HLCS: variants seen among roughly 807,000 people sequenced by gnomAD.
HLCS encodes biotin--protein ligase.
A neutral mutation model predicts 75.0 loss-of-function variants in HLCS; 53 were observed. The observed-to-expected ratio is 0.71, with a 90% CI of 0.57 to 0.89. The LOEUF (loss-of-function observed/expected upper bound fraction) is 0.89. Among genes scored for constraint, HLCS ranks in the 40% least tolerant of loss-of-function variants. The probability of loss-of-function intolerance (pLI) is 0.00; values close to 1 mark genes in which losing one functional copy is unlikely to be tolerated. For synonymous variants in HLCS, 431 were observed against 428.6 expected, an observed-to-expected ratio of 1.01 and a Z score of -0.07; for missense variants, 966 against 1,074.0, an observed-to-expected ratio of 0.90 and a Z score of 1.41.
chr21:36,935,463 G>T (rs950676866), intron 4 of HLCS, among the ~76,000 whole-genome samples: 1 of 151,976 alleles, frequency 6.6e-6, no homozygotes, highest in African/African-American at 2.4e-5. Flanking sequence ...CAGGAGAACT[G>T]GAAAAAGACA....
chr21:36,982,626 G>A (rs1289574204), intron 1 of HLCS, among the ~76,000 whole-genome samples: 1 of 152,166 alleles, frequency 6.6e-6, no homozygotes, highest in Non-Finnish European at 1.5e-5. Flanking sequence ...TCTCCTAGAG[G>A]CAATGATCCA....
chr21:36,815,576 T>C (rs2145978399), intron 6 of HLCS, among the ~76,000 whole-genome samples: 1 of 152,312 alleles, frequency 6.6e-6, no homozygotes, highest in South Asian at 2.1e-4. Context: ...ACAAATGCCT[T>C]GTCACATTTG....
intron 6 of HLCS, among the ~76,000 whole-genome samples, chr21:36,847,243 C>CATGT (rs1397991038): frequency 6.6e-6 from 1 of 151,910 alleles, no homozygotes; most frequent in Non-Finnish European, 1.5e-5. Context: ...GAAATAAAGG[C>CATGT]TTGGAGGGCA....
intron 5 of HLCS, among the ~76,000 whole-genome samples, chr21:36,914,784 C>T (rs763382616): frequency 1.3e-5 from 2 of 152,208 alleles, no homozygotes; most frequent in East Asian, 1.9e-4. Flanking sequence ...ATGAGAGACG[C>T]GAACTTCCAC....
chr21:36,930,446 GAT>G lies in HLCS; in HGVS notation c.1438-15_1438-14del. On this transcript the variant is annotated splice_polypyrimidine_tract_variant and intron_variant, in intron 4 of 10. Transcript: ENST00000674895. ...GTTCTAAGTGCACCTGAAGGGGAAA[GAT>G]AGCACTATGTAAACTGAGGGCACTC... The G allele has an allele frequency of 6.2e-7, 1 of 1,609,562 alleles. No homozygotes were observed. The highest frequency in any genetic ancestry group is 8.5e-7 in the Non-Finnish European group (1 of 1,175,886).
intron 6 of HLCS, among the ~76,000 whole-genome samples, chr21:36,892,639 T>C (rs1478262221): frequency 6.6e-6 from 1 of 152,192 alleles, no homozygotes; most frequent in Non-Finnish European, 1.5e-5. Context: ...GACAAATGCA[T>C]GTGGATATCT....
At chr21:36,981,740 C>G (rs935737883) in intron 1 of HLCS, among the ~76,000 whole-genome samples, 1 of 152,070 alleles carries the variant, frequency 6.6e-6, no homozygotes, top group Non-Finnish European at 1.5e-5. Flanking sequence ...ACTTCTCCTG[C>G]TACCCTAAGG....
At chr21:36,806,399 C>G (rs1203417359) in intron 6 of HLCS, 54 of 152,062 alleles carry the variant, frequency 3.6e-4, no homozygotes, top group Admixed American at 3.2e-3. Context: ...CTGAGAGTCC[C>G]TGCTCTGGAC....
chr21:36,814,420 T>A (rs559906175), intron 6 of HLCS, among the ~76,000 whole-genome samples: 3 of 152,358 alleles, frequency 2.0e-5, no homozygotes, highest in African/African-American at 7.2e-5. Context: ...AGATAATTTC[T>A]TAGTATGTCT....
rs2066905973 is a variant in HLCS, at chr21:36,936,781, T to C, written c.1105A>G (p.Arg369Gly). ...TACAGGTCTTCGGGAATGGACTCCC[T>C]GGTAGCAATGACCAACAGCAGACAG... is the stretch of plus-strand genomic sequence containing the variant. The part of the protein sequence containing the change: ...DNCLLLVIAT[R>G]ESIPEDLYQK... Residue 369 changes from arginine to glycine, a missense_variant, in exon 4 of 11, where the codon AGG (arginine) becomes GGG (glycine). Transcript: ENST00000674895. 2 of 1,614,106 alleles carry C rather than the reference T, an allele frequency of 1.2e-6. No homozygotes were observed. The highest frequency in any genetic ancestry group is 1.7e-6 in the Non-Finnish European group (2 of 1,180,056).
intron 5 of HLCS, among the ~76,000 whole-genome samples, chr21:36,923,347 C>T (rs1413664625): frequency 6.6e-6 from 1 of 151,968 alleles, no homozygotes; most frequent in East Asian, 1.9e-4. Flanking sequence ...CAAAAGAGGC[C>T]GTTTCCCATC....
At chr21:36,785,755 T>C (rs577833742) in intron 6 of HLCS, among the ~76,000 whole-genome samples, 54 of 152,344 alleles carry the variant, frequency 3.5e-4, no homozygotes, top group African/African-American at 1.3e-3. Flanking sequence ...CCTGGCCTTG[T>C]TCCTCCTGAT....
intron 8 of HLCS, among the ~76,000 whole-genome samples, chr21:36,761,211 G>GTAA (rs1270652125): frequency 6.6e-6 from 1 of 152,210 alleles, no homozygotes; most frequent in Admixed American, 6.5e-5. Context: ...GCTTGCCTGA[G>GTAA]GTTATAGCAC....
intron 6 of HLCS, among the ~76,000 whole-genome samples, chr21:36,829,777 T>C (rs1342730478): frequency 6.6e-6 from 1 of 152,180 alleles, no homozygotes; most frequent in African/African-American, 2.4e-5. Context: ...CTTACTTAAG[T>C]TCCAGAGTGA....
chr21:36,756,518 G>T, intron 10 of HLCS, 24 bp downstream of exon 10: 1 of 943,148 alleles, frequency 1.1e-6, no homozygotes. Context: ...GAGTTGAAAA[G>T]AATGAAGATG....
intron 2 of HLCS, among the ~76,000 whole-genome samples, chr21:36,961,568 G>A (rs556398969): frequency 1.5e-3 from 235 of 152,096 alleles, no homozygotes; most frequent in African/African-American, 5.4e-3. Flanking sequence ...AACATAAAAA[G>A]AAACAGGTGA....
In HLCS at chr21:36,844,947, G is replaced by A. The variant is rs180938299; in HGVS notation, c.1892+51913C>T. ...TTCAAACATCTGCTTACAATTTTAA[G>A]GCAATTGTAAATACAGCAGAGAAGG... On this transcript the variant is annotated intron_variant, in intron 6 of 10. Transcript: ENST00000674895. Among the ~76,000 whole-genome samples, 6 of 152,190 alleles carry A rather than the reference G, an allele frequency of 3.9e-5. No individual in the cohort carries two copies. In the East Asian group the frequency reaches 9.7e-4, roughly 25 times the overall value.
At chr21:36,975,793 T>A (rs1012176022) in intron 1 of HLCS, among the ~76,000 whole-genome samples, 9 of 151,970 alleles carry the variant, frequency 5.9e-5, no homozygotes, top group Admixed American at 5.9e-4. Flanking sequence ...GAAAAAGACC[T>A]TCCATTGGAC....
chr21:36,757,947 G>A (rs1461710207), intron 9 of HLCS, among the ~76,000 whole-genome samples: 1 of 152,070 alleles, frequency 6.6e-6, no homozygotes, highest in Non-Finnish European at 1.5e-5. Context: ...CTCACTACTG[G>A]CCACTTAGGC....
Sources: gnomAD v4.1 joint callset for allele counts (sites outside exome capture counted in the v4.1 genomes callset) on GRCh38, gnomAD v4.1.1 for gene constraint, MANE v1.5 for transcripts, NCBI Gene and HGNC (gene_info 2026-07-23, HGNC 2026-07-21) for gene names.